Variants in HERC2 observed in about 807,000 individuals in gnomAD.
The protein encoded by HERC2 is E3 ubiquitin-protein ligase HERC2.
HERC2 carries 102 observed loss-of-function variants against 537.7 expected under a neutral mutation model. The ratio of observed to expected loss-of-function variants is 0.19; its 90% CI spans 0.16 to 0.22. HERC2 has a LOEUF of 0.22. Among genes scored for constraint, HERC2 ranks in the 10% least tolerant of loss-of-function variants. The pLI is 1.00. For synonymous variants in HERC2, 2,224 were observed against 2,466.2 expected (o/e 0.90, Z 2.91); for missense variants, 4,236 against 6,198.2 (o/e 0.68, Z 10.63).
chr15:28,275,058 T>A (rs1171374553), intron 5 of HERC2, 53 bp from the exon 6 acceptor site: 17 of 1,154,750 alleles, frequency 1.5e-5, no homozygotes, highest in Non-Finnish European at 2.1e-5. Flanking sequence ...AGGGTGCAGA[T>A]ACTACATAAA....
At chr15:28,285,939 T>C (rs1486885396) in intron 4 of HERC2, among the ~76,000 whole-genome samples, 2 of 151,992 alleles carry the variant, frequency 1.3e-5, no homozygotes, top group Non-Finnish European at 2.9e-5. Context: ...AATGGACTTA[T>C]TCCTCAAATA....
intron 4 of HERC2, among the ~76,000 whole-genome samples, chr15:28,280,496 AAACTGAGGCACCAAGTGGTTAAGC>A: frequency 2.0e-5 from 3 of 152,322 alleles, no homozygotes; most frequent in Admixed American, 2.0e-4. Flanking sequence ...ATGGATGAAG[AAACTGAGGCACCAAGTGGTTAAGC>A]AACTTGTCCG....
chr15:28,179,265 T>A (rs771594565), intron 57 of HERC2, 42 bp from the exon 58 acceptor site: 1 of 1,413,846 alleles, frequency 7.1e-7, no homozygotes. Context: ...GAAAAGAAAA[T>A]TTTACTTGCA....
At chr15:28,282,501 G>A (rs2076045052) in intron 4 of HERC2, among the ~76,000 whole-genome samples, 1 of 152,066 alleles carries the variant, frequency 6.6e-6, no homozygotes, top group Admixed American at 6.6e-5. Flanking sequence ...AAACCAAATA[G>A]AAAGTTTAGA....
intron 23 of HERC2, among the ~76,000 whole-genome samples, chr15:28,243,280 C>G (rs1275395094): frequency 6.6e-6 from 1 of 152,136 alleles, no homozygotes. Context: ...CACTATAGCT[C>G]TAAACATGAA....
Position 28,263,178 on chromosome 15 carries a change from T to C in HERC2, c.1871-9A>G. The C allele has an allele frequency of 6.3e-7, 1 of 1,595,402 alleles. No homozygotes were observed. Among genetic ancestry groups the C allele is most frequent in the Non-Finnish European group, 8.6e-7 (1 of 1,168,148 alleles). On this transcript the variant is annotated splice_polypyrimidine_tract_variant and intron_variant, in intron 14 of 92. Transcript: ENST00000261609. ...CCAAGACCACACTTGCCCTAAAAAA[T>C]ACAAATGCATTTAAATAACAACAAC...
intron 12 of HERC2, among the ~76,000 whole-genome samples, chr15:28,266,822 C>T (rs1049631044): frequency 1.3e-5 from 2 of 152,158 alleles, no homozygotes; most frequent in African/African-American, 4.8e-5. Context: ...ATGGGAGCGC[C>T]CCATGTCTTG....
At chr15:28,125,649 A>G (rs1261119082) in intron 83 of HERC2, among the ~76,000 whole-genome samples, 1 of 152,224 alleles carries the variant, frequency 6.6e-6, no homozygotes, top group Admixed American at 6.5e-5. Flanking sequence ...TGCGAAACAG[A>G]AAAGAAAAAG....
rs74007958 is a variant in HERC2, at chr15:28,116,883, G to A, written c.13415-24C>T. The A allele has an allele frequency of 8.6e-3, 13,874 of 1,607,540 alleles. 1,091 individuals carry two copies. In the African/African-American group the frequency reaches 0.17, roughly 19 times the overall value. On this transcript the variant is annotated intron_variant, in intron 87 of 92. Coordinates refer to ENST00000261609, the MANE Select transcript of HERC2 (RefSeq NM_004667.6). Reference sequence around the variant, plus strand: ...ACCTGCAGGGGAGAAGCAGCCACTCGAAGTCCCCTCACACAGTCCTGTGTA... The same window carrying A: ...ACCTGCAGGGGAGAAGCAGCCACTCAAAGTCCCCTCACACAGTCCTGTGTA...
intron 31 of HERC2, 97 bp downstream of exon 31, chr15:28,230,270 G>A (rs1351453676): frequency 9.0e-5 from 111 of 1,239,308 alleles, no homozygotes; most frequent in Non-Finnish European, 1.2e-4. Flanking sequence ...ACAACCGCCC[G>A]TCCCTCCCTC....
In HERC2 at chr15:28,130,498, C is replaced by A. The variant is rs1889996232; in HGVS notation, c.12662+5G>T. 1.9e-6 allele frequency: 3 copies of A among 1,612,120 alleles called. No individual in the cohort carries two copies. The highest frequency in any genetic ancestry group is 1.7e-6 in the Non-Finnish European group (2 of 1,178,338). On this transcript the variant is annotated splice_donor_5th_base_variant and intron_variant, in intron 82 of 92. Coordinates refer to ENST00000261609, the MANE Select transcript of HERC2 (RefSeq NM_004667.6). ...GTGGGTTTAAACAAACAGAATCTTGCGTACCAGGTATAAACAGCTCCAGAT... is the reference window on the plus strand; with the variant it reads ...GTGGGTTTAAACAAACAGAATCTTGAGTACCAGGTATAAACAGCTCCAGAT...
intron 2 of HERC2, among the ~76,000 whole-genome samples, chr15:28,310,462 A>C (rs1442908884): frequency 6.6e-6 from 1 of 152,060 alleles, no homozygotes; most frequent in African/African-American, 2.4e-5. Flanking sequence ...TTTTAATTTA[A>C]ATTTAAAAAA....
chr15:28,269,133 A>AG (rs113914279), intron 11 of HERC2, 115 bp downstream of exon 11: 1 of 739,352 alleles, frequency 1.4e-6, no homozygotes, highest in Non-Finnish European at 2.2e-6. Context: ...AATAAACAGA[A>AG]CTTTGTCAAT....
At chr15:28,307,451 A>G (rs1036081706) in intron 2 of HERC2, among the ~76,000 whole-genome samples, 6 of 152,274 alleles carry the variant, frequency 3.9e-5, no homozygotes, top group African/African-American at 1.4e-4. Context: ...TTTAAGATGT[A>G]TCATTAGGTT....
rs780527731 is a variant in HERC2 at position 28,233,239 on chromosome 15, G to A, written c.4582C>T (p.Leu1528Phe). ...AATTTAAACTTAGACATTATAGAGA[G>A]GTCATTACAAACAGCAGGTCTCAAT... ...NELRPAVCND[L>F]SIMSKFKLLS... The change falls in exon 30 of 93, where the codon CTC (leucine) becomes TTC (phenylalanine). Residue 1528 changes from leucine (L) to phenylalanine (F), a missense_variant. By Grantham distance (22) the Leu-to-Phe change is conservative. Coordinates refer to ENST00000261609, the MANE Select transcript of HERC2 (RefSeq NM_004667.6). 1.1e-5 allele frequency: 17 copies of A among 1,599,130 alleles called. No homozygotes were observed. The Admixed American group carries it at 2.7e-4, about 25-fold the overall frequency.
chr15:28,310,457 A>G (rs1307526185), intron 2 of HERC2, among the ~76,000 whole-genome samples: 1 of 152,096 alleles, frequency 6.6e-6, no homozygotes, highest in East Asian at 1.9e-4. Context: ...AAAAATTTTA[A>G]TTTAAATTTA....
At chr15:28,148,762 A>G (rs1350267130) in intron 70 of HERC2, among the ~76,000 whole-genome samples, 1 of 152,134 alleles carries the variant, frequency 6.6e-6, no homozygotes, top group East Asian at 1.9e-4. Flanking sequence ...CCGAAGAAAC[A>G]CATGCGGCTT....
At chr15:28,159,133 T>A (rs1272095185) in intron 69 of HERC2, among the ~76,000 whole-genome samples, 2 of 152,196 alleles carry the variant, frequency 1.3e-5, no homozygotes, top group Non-Finnish European at 2.9e-5. Flanking sequence ...CTTCCCTTTG[T>A]GGGTAACCCG....
rs1281067182 is a variant in HERC2, at chr15:28,214,914, C to T, written c.6211-112G>A. 5 of 900,912 alleles carry T rather than the reference C, an allele frequency of 5.5e-6. No individual in the cohort carries two copies. The African/African-American group carries it at 6.8e-5, about 12-fold the overall frequency. 55.8% of individuals were successfully genotyped at this position (900,912 alleles called of 1,614,324 possible). ...TTGAGACAGAGTCTCACACTGTCAC[C>T]CGGGCTGGAGTGCAGTGGCACGGTC... On this transcript the variant is annotated intron_variant, in intron 39 of 92. Transcript: ENST00000261609.
Sources: gnomAD v4.1 joint callset for allele counts (sites outside exome capture counted in the v4.1 genomes callset) on GRCh38, gnomAD v4.1.1 for gene constraint, MANE v1.5 for transcripts, NCBI Gene and HGNC (gene_info 2026-07-23, HGNC 2026-07-21) for gene names.